The following NLN variants were observed in gnomAD, a reference collection of about 807,000 sequenced individuals.
NLN encodes neurolysin, mitochondrial.
A neutral mutation model predicts 79.9 loss-of-function variants in NLN; 64 were observed. The ratio of observed to expected loss-of-function variants is 0.80; its 90% confidence interval spans 0.65 to 0.99. NLN has a LOEUF of 0.99. NLN is among the 50% of genes least tolerant of loss of function. The probability of loss-of-function intolerance (pLI) is 0.00; values close to 1 mark genes in which losing one functional copy is unlikely to be tolerated. For synonymous variants in NLN, 267 were observed against 296.6 expected (o/e 0.90, Z 1.02); for missense variants, 835 against 858.7 (o/e 0.97, Z 0.34).
intron 9 of NLN, among the ~76,000 whole-genome samples, chr5:65,796,459 T>C (rs1183520911): frequency 3.9e-5 from 6 of 152,232 alleles, no homozygotes; most frequent in African/African-American, 1.4e-4. Context: ...CAGCTTAGTG[T>C]TTCTCTCTTG....
intron 6 of NLN, among the ~76,000 whole-genome samples, chr5:65,783,911 A>G (rs1203237953): frequency 6.6e-6 from 1 of 152,190 alleles, no homozygotes. Flanking sequence ...TTAAAATAAT[A>G]ATAATTATAA....
intron 6 of NLN, among the ~76,000 whole-genome samples, chr5:65,781,960 C>A (rs1301440516): frequency 6.6e-6 from 1 of 152,260 alleles, no homozygotes; most frequent in East Asian, 1.9e-4. Flanking sequence ...AAGTTATCAG[C>A]TCCTCACCCC....
At chr5:65,815,104 C>T (rs193181087) in intron 12 of NLN, among the ~76,000 whole-genome samples, 7 of 152,284 alleles carry the variant, frequency 4.6e-5, no homozygotes, top group Admixed American at 6.5e-5. Context: ...ACAATTATGA[C>T]GTCTTACTGG....
intron 3 of NLN, among the ~76,000 whole-genome samples, chr5:65,766,772 A>C (rs528837136): frequency 6.6e-6 from 1 of 152,354 alleles, no homozygotes; most frequent in South Asian, 2.1e-4. Context: ...TACTTCTAAG[A>C]CACAGTGTGG....
At chr5:65,751,379 GT>G (rs759488270) in intron 1 of NLN, among the ~76,000 whole-genome samples, 57 of 152,290 alleles carry the variant, frequency 3.7e-4, no homozygotes, top group Non-Finnish European at 8.4e-4. Flanking sequence ...TTGCTTTAAT[GT>G]TTTTGTCATA....
chr5:65,821,652 G>C (rs745804998), intron 12 of NLN, among the ~76,000 whole-genome samples: 3 of 152,182 alleles, frequency 2.0e-5, no homozygotes, highest in Non-Finnish European at 2.9e-5. Context: ...GAGTTTCTGA[G>C]AAGGTAACTT....
chr5:65,807,775 T>A (rs1163448810), intron 9 of NLN, among the ~76,000 whole-genome samples: 2 of 152,178 alleles, frequency 1.3e-5, no homozygotes, highest in African/African-American at 4.8e-5. Context: ...TTTGAACAGT[T>A]AATAGACTAG....
chr5:65,808,641 G>A (rs536168671), intron 9 of NLN, among the ~76,000 whole-genome samples: 18 of 152,194 alleles, frequency 1.2e-4, no homozygotes, highest in East Asian at 1.9e-4. Context: ...TACTAAACTT[G>A]GTTTCATTAA....
At chr5:65,809,315 T>C (rs1015952142) in intron 9 of NLN, 200 bp from the exon 10 acceptor site, 1 of 497,390 alleles carries the variant, frequency 2.0e-6, no homozygotes, top group Non-Finnish European at 3.5e-6. Flanking sequence ...TACTGTAATA[T>C]AGAGTATTTG....
chr5:65,724,726 T>C (rs1758418584), intron 1 of NLN, among the ~76,000 whole-genome samples: 1 of 152,146 alleles, frequency 6.6e-6, no homozygotes, highest in South Asian at 2.1e-4. Context: ...GATTCCAATT[T>C]CTCCACATCA....
intron 1 of NLN, among the ~76,000 whole-genome samples, chr5:65,753,771 AGTCGTT>A (rs1759155879): frequency 6.6e-6 from 1 of 152,064 alleles, no homozygotes; most frequent in Admixed American, 6.6e-5. Flanking sequence ...CCTATGTTTT[AGTCGTT>A]GTTCTTCTCT....
chr5:65,781,856 G>C (rs1374637824), intron 6 of NLN, among the ~76,000 whole-genome samples: 2 of 152,132 alleles, frequency 1.3e-5, no homozygotes, highest in African/African-American at 4.8e-5. Flanking sequence ...TTAATTCCCA[G>C]TTACTGCCTG....
intron 9 of NLN, among the ~76,000 whole-genome samples, chr5:65,807,594 C>T (rs1442858436): frequency 6.6e-6 from 1 of 152,040 alleles, no homozygotes; most frequent in Non-Finnish European, 1.5e-5. Context: ...GTGCCCGCCA[C>T]CATGCCTGGC....
At chr5:65,822,729 T>C in intron 12 of NLN, 52 bp from the exon 13 acceptor site, 1 of 1,445,466 alleles carries the variant, frequency 6.9e-7, no homozygotes, top group Non-Finnish European at 9.7e-7. Context: ...TCTAGAGATT[T>C]GGAAAATTGC....
intron 3 of NLN, among the ~76,000 whole-genome samples, chr5:65,764,987 T>C (rs776911572): frequency 1.7e-4 from 26 of 152,254 alleles, no homozygotes; most frequent in Non-Finnish European, 3.5e-4. Flanking sequence ...GTAAAACTTA[T>C]CCCATTCGTA....
At chr5:65,722,557 G>T in intron 1 of NLN, 143 bp downstream of exon 1, 2 of 738,748 alleles carry the variant, frequency 2.7e-6, no homozygotes, top group Non-Finnish European at 4.2e-6. Context: ...TTGCAAGGTG[G>T]ACCCCTGGGG....
chr5:65,810,732 C>T (rs1760526607), intron 11 of NLN, among the ~76,000 whole-genome samples: 1 of 152,080 alleles, frequency 6.6e-6, no homozygotes, highest in Admixed American at 6.5e-5. Flanking sequence ...GTAATCCCAG[C>T]ACTTTGGGAG....
intron 8 of NLN, among the ~76,000 whole-genome samples, chr5:65,790,476 C>G (rs1195942955): frequency 6.6e-6 from 1 of 152,180 alleles, no homozygotes; most frequent in Non-Finnish European, 1.5e-5. Flanking sequence ...GAAACAAACA[C>G]ATCCTTCTTC....
chr5:65,804,727 C>T (rs2150771231), intron 9 of NLN, among the ~76,000 whole-genome samples: 1 of 152,166 alleles, frequency 6.6e-6, no homozygotes, highest in South Asian at 2.1e-4. Context: ...GACATGGGTT[C>T]ACCGTGTGGG....
Sources: gnomAD v4.1 joint callset for allele counts (sites outside exome capture counted in the v4.1 genomes callset) on GRCh38, gnomAD v4.1.1 for gene constraint, MANE v1.5 for transcripts, NCBI Gene and HGNC (gene_info 2026-07-23, HGNC 2026-07-21) for gene names.